The following PHTF2 variants were observed in gnomAD, a reference collection of about 807,000 sequenced individuals.
PHTF2 encodes putative homeodomain transcription factor 2, also known as protein PHTF2.
In PHTF2, 60 loss-of-function variants were observed where a neutral mutation model predicts 101.2. That is an observed-to-expected ratio of 0.59 (90% CI 0.48 to 0.73). The LOEUF (loss-of-function observed/expected upper bound fraction) is 0.73, where lower values mean the gene tolerates loss of function less well. Ranked by LOEUF, PHTF2 falls within the 30% of genes least tolerant of loss-of-function variation. The pLI is 0.00. For synonymous variants in PHTF2, 311 were observed against 307.3 expected (o/e 1.01, Z -0.13); for missense variants, 747 against 908.7 (o/e 0.82, Z 2.29).
intron 6 of PHTF2, 62 bp downstream of exon 5, chr7:77,900,842 A>G: frequency 1.2e-6 from 1 of 831,880 alleles, no homozygotes; most frequent in Non-Finnish European, 2.1e-6. Flanking sequence ...ACAGAATTCA[A>G]AATAGGTTTA....
chr7:77,862,867 G>A (rs544068336), intron 3 of PHTF2, among the ~76,000 whole-genome samples: 1 of 152,282 alleles, frequency 6.6e-6, no homozygotes, highest in South Asian at 2.1e-4. Context: ...ACTTTGAAAG[G>A]CCTGGGAGTG....
chr7:77,942,782 C>G (rs1362062294), exon 16 of PHTF2: 1 of 1,548,276 alleles, frequency 6.5e-7, no homozygotes, highest in Non-Finnish European at 8.8e-7. Flanking sequence ...ATCTGTTGTG[C>G]CCAGGTGAGT....
intron 3 of PHTF2, among the ~76,000 whole-genome samples, chr7:77,884,980 A>G (rs1799709862): frequency 6.6e-6 from 1 of 152,212 alleles, no homozygotes; most frequent in African/African-American, 2.4e-5. Flanking sequence ...GCCTATTAAC[A>G]TCTTATGATT....
At chr7:77,825,261 G>A (rs1347775789) in intron 1 of PHTF2, among the ~76,000 whole-genome samples, 2 of 152,182 alleles carry the variant, frequency 1.3e-5, no homozygotes, top group Non-Finnish European at 2.9e-5. Flanking sequence ...GATACTAGTT[G>A]TATATGACAA....
chr7:77,940,979 T>C (rs1805594161), intron 15 of PHTF2, among the ~76,000 whole-genome samples: 2 of 152,234 alleles, frequency 1.3e-5, no homozygotes, highest in South Asian at 4.1e-4. Context: ...GTAATTTTCC[T>C]AATTATGGAA....
chr7:77,927,177 A>T lies in PHTF2; in HGVS notation c.1120-1932A>T, dbSNP rs6964770. On this transcript the variant is annotated intron_variant, in intron 11 of 19. Coordinates refer to ENST00000416283, the Ensembl canonical transcript of PHTF2. ...CATCTCAAAAAAAAAAAAAAAAAAA[A>T]ATATATATATATATATATACATACA... 7.9e-3 allele frequency among the ~76,000 whole-genome samples: 612 copies of T among 77,784 alleles called. 1 individual carries two copies. The highest frequency in any genetic ancestry group is 0.017 in the African/African-American group (353 of 20,452). The allele number at this position is 77,784 out of a possible 152,430, so 51.0% of individuals were successfully genotyped here.
At chr7:77,823,549 G>T (rs1293600842) in intron 1 of PHTF2, among the ~76,000 whole-genome samples, 1 of 152,220 alleles carries the variant, frequency 6.6e-6, no homozygotes, top group Non-Finnish European at 1.5e-5. Context: ...AAGTAGTGGA[G>T]TTATTTGAAC....
At chr7:77,871,176 G>C (rs1177775538) in intron 3 of PHTF2, among the ~76,000 whole-genome samples, 1 of 151,906 alleles carries the variant, frequency 6.6e-6, no homozygotes, top group African/African-American at 2.4e-5. Flanking sequence ...ATGGTCTCGG[G>C]GTCATTTGTA....
chr7:77,926,474 A>C (rs980625992), intron 11 of PHTF2, among the ~76,000 whole-genome samples: 3 of 152,060 alleles, frequency 2.0e-5, no homozygotes, highest in African/African-American at 7.2e-5. Flanking sequence ...CAAACACTCT[A>C]TTAACACACT....
chr7:77,935,755 T>TA (rs1442535939), intron 12 of PHTF2, among the ~76,000 whole-genome samples: 1 of 152,180 alleles, frequency 6.6e-6, no homozygotes, highest in Non-Finnish European at 1.5e-5. Context: ...AGGAAGACCT[T>TA]AATTCACTAT....
At chr7:77,945,221 G>A (rs1004364841) in intron 16 of PHTF2, among the ~76,000 whole-genome samples, 5 of 152,062 alleles carry the variant, frequency 3.3e-5, no homozygotes, top group Non-Finnish European at 4.4e-5. Context: ...GCCTGTAATC[G>A]CAGCTGCTCG....
At chr7:77,954,675 T>C (rs1255863931) in intron 19 of PHTF2, among the ~76,000 whole-genome samples, 183 bp from the exon 19 acceptor site, 1 of 145,890 alleles carries the variant, frequency 6.9e-6, no homozygotes, top group Non-Finnish European at 1.5e-5. Flanking sequence ...GCAATAGAAA[T>C]CTGATTTTCA....
chr7:77,951,604 C>CT lies in PHTF2; in HGVS notation c.2116-8dup, dbSNP rs1166295706. 1.8e-6 allele frequency: 2 copies of CT among 1,108,316 alleles called. No homozygotes were observed. Among genetic ancestry groups the CT allele is most frequent in the East Asian group, 5.3e-5 (2 of 37,792 alleles). The allele number at this position is 1,108,316 out of a possible 1,614,324, so 68.7% of individuals were successfully genotyped here. A position where few individuals can be genotyped will look rare whatever the true frequency, so the allele number is the denominator to read the frequency against. ...TATTATAATTTGAAGCATTTCTATT[C>CT]TTTTTATAAAAGATAAACCTCTACT... is the stretch of plus-strand genomic sequence containing the variant. On this transcript the variant is annotated splice_polypyrimidine_tract_variant and intron_variant, in intron 17 of 19. Transcript: ENST00000416283.
At chr7:77,904,133 A>T (rs1034816097) in intron 7 of PHTF2, among the ~76,000 whole-genome samples, 1 of 152,218 alleles carries the variant, frequency 6.6e-6, no homozygotes, top group Non-Finnish European at 1.5e-5. Context: ...TTCACTAGTT[A>T]TCATTGCTTT....
chr7:77,941,341 G>GT (rs1805621958), intron 15 of PHTF2, among the ~76,000 whole-genome samples: 1 of 151,980 alleles, frequency 6.6e-6, no homozygotes, highest in Non-Finnish European at 1.5e-5. Context: ...AGCTTACTTA[G>GT]TGTCACTGCT....
At position 77,927,019 on chromosome 7, in the gene PHTF2, G is replaced by A. The variant is rs547865690; in HGVS notation, c.1120-2090G>A. On this transcript the variant is annotated intron_variant, in intron 11 of 19. Transcript: ENST00000416283. ...CTGAAAATATAAAAATTAGCCCGGT[G>A]TGGTGGCGGGCTCCTGTAGTCCTAG... 2.0e-5 allele frequency among the ~76,000 whole-genome samples: 3 copies of A among 151,496 alleles called. No homozygotes were observed. In the South Asian group the frequency reaches 6.3e-4, roughly 32 times the overall value.
chr7:77,890,751 G>A (rs1246184400), intron 3 of PHTF2, among the ~76,000 whole-genome samples: 1 of 151,482 alleles, frequency 6.6e-6, no homozygotes, highest in Non-Finnish European at 1.5e-5. Flanking sequence ...GACTACAGAT[G>A]CCCGCCACCA....
chr7:77,813,242 A>G (rs1219304020), intron 1 of PHTF2, among the ~76,000 whole-genome samples: 1 of 152,222 alleles, frequency 6.6e-6, no homozygotes, highest in Admixed American at 6.5e-5. Flanking sequence ...GGAGAAGAGG[A>G]AAACTAGCAA....
intron 3 of PHTF2, among the ~76,000 whole-genome samples, chr7:77,867,080 T>G (rs1177033529): frequency 6.6e-6 from 1 of 152,260 alleles, no homozygotes; most frequent in African/African-American, 2.4e-5. Context: ...TTAGTCCTTA[T>G]AATTACCCTT....
Sources: allele counts gnomAD v4.1 joint callset (sites outside exome capture counted in the v4.1 genomes callset), GRCh38; gene constraint gnomAD v4.1.1; transcripts MANE v1.5; gene names NCBI Gene and HGNC (gene_info 2026-07-23, HGNC 2026-07-21).